The following ADPRHL1 variants were observed in gnomAD, a reference collection of about 807,000 sequenced individuals.
ADPRHL1 encodes ADP-ribosylhydrolase like 1, also known as inactive ADP-ribosyltransferase ARH2.
ADPRHL1 carries 43 observed loss-of-function variants against 44.1 expected under a neutral mutation model. The observed-to-expected ratio is 0.98, with a 90% confidence interval of 0.76 to 1.26. ADPRHL1 has a LOEUF of 1.26. ADPRHL1 is among the 50% of genes most tolerant of loss of function. ADPRHL1 has a pLI of 0.00. For missense variants in ADPRHL1, 2,022 were observed against 2,496.9 expected (o/e 0.81, Z 4.05); for synonymous variants, 878 against 1,017.4 (o/e 0.86, Z 2.61).
chr13:113,446,646 C>T (rs767079950), intron 1 of ADPRHL1, among the ~76,000 whole-genome samples: 2 of 152,096 alleles, frequency 1.3e-5, no homozygotes, highest in Non-Finnish European at 2.9e-5. Flanking sequence ...TGTCTACATG[C>T]GCAGTGTTGT....
chr13:113,405,967 T>C lies in ADPRHL1; in HGVS notation c.3315A>G (p.Lys1105=). 8.1e-7 allele frequency: 1 copy of C among 1,231,956 alleles called. No homozygotes were observed. Among genetic ancestry groups the C allele is most frequent in the Non-Finnish European group, 1.0e-6 (1 of 988,010 alleles). 76.3% of individuals were successfully genotyped at this position (1,231,956 alleles called of 1,614,324 possible). The change falls in exon 8 of 8, where the codon AAA becomes AAG. Residue 1105 remains lysine, a synonymous_variant. Transcript: ENST00000612156. The part of the protein sequence containing the change: ...NPLSSLNEPP[K]PGMKACGAMA... ...TCGCCCCACAGGCTTTCATACCTGGTTTGGGTGGTTCATTTAATGAGGACA... is the reference window on the plus strand; with the variant it reads ...TCGCCCCACAGGCTTTCATACCTGGCTTGGGTGGTTCATTTAATGAGGACA...
intron 2 of ADPRHL1, among the ~76,000 whole-genome samples, chr13:113,435,289 A>G (rs368153647): frequency 1.1e-5 from 1 of 89,258 alleles, no homozygotes; most frequent in Non-Finnish European, 2.2e-5. Context: ...TAGAGTGAAC[A>G]TAGGTGTACC....
chr13:113,439,956 T>A (rs1159289128), intron 2 of ADPRHL1, among the ~76,000 whole-genome samples: 1 of 152,248 alleles, frequency 6.6e-6, no homozygotes, highest in African/African-American at 2.4e-5. Flanking sequence ...TAGTGATGAT[T>A]TGTCTTTCTC....
intron 4 of ADPRHL1, among the ~76,000 whole-genome samples, chr13:113,428,226 G>C (rs540052983): frequency 7.9e-6 from 1 of 126,150 alleles, no homozygotes; most frequent in Non-Finnish European, 1.6e-5. Context: ...CCTGGGTGAC[G>C]AGCCAGATTC....
chr13:113,431,955 G>A (rs923801078), intron 3 of ADPRHL1, among the ~76,000 whole-genome samples: 2 of 152,214 alleles, frequency 1.3e-5, no homozygotes, highest in African/African-American at 4.8e-5. Flanking sequence ...GACCTCAGGT[G>A]ATCCGCCTGC....
chr13:113,434,123 G>C (rs149911125), intron 2 of ADPRHL1, among the ~76,000 whole-genome samples: 3 of 152,314 alleles, frequency 2.0e-5, no homozygotes, highest in East Asian at 1.9e-4. Flanking sequence ...AGATATGCTC[G>C]TGATTTGCAG....
chr13:113,445,172 G>T (rs906367529), intron 1 of ADPRHL1, among the ~76,000 whole-genome samples: 3 of 152,234 alleles, frequency 2.0e-5, no homozygotes, highest in African/African-American at 7.2e-5. Flanking sequence ...GAGGGTGAAG[G>T]AGCTGGACAC....
intron 3 of ADPRHL1, among the ~76,000 whole-genome samples, chr13:113,430,383 G>A (rs749748046): frequency 1.1e-4 from 16 of 152,206 alleles, no homozygotes; most frequent in African/African-American, 1.4e-4. Flanking sequence ...GCCATCGTGG[G>A]GACTGCAGCC....
At chr13:113,427,169 G>A (rs1257145699) in intron 4 of ADPRHL1, among the ~76,000 whole-genome samples, 3 of 152,252 alleles carry the variant, frequency 2.0e-5, no homozygotes, top group Non-Finnish European at 4.4e-5. Context: ...ACACAAAGGG[G>A]AGGAGGTTTT....
In ADPRHL1 at chr13:113,408,055, C is replaced by G. The variant is rs1218259851; in HGVS notation, c.1227G>C (p.Gly409=). ...RADRPPGTEA[G]GSRPSHQPQT... Reference sequence around the variant, plus strand: ...GGGGCTGGTGGCTGGGCCTGCTCCCCCCGGCCTCTGTCCCCGGGGGCCGGT... The same window carrying G: ...GGGGCTGGTGGCTGGGCCTGCTCCCGCCGGCCTCTGTCCCCGGGGGCCGGT... Residue 409 remains glycine (G), a synonymous_variant, in exon 8 of 8, where the codon GGG becomes GGC. Coordinates refer to ENST00000612156, the MANE Select transcript of ADPRHL1 (RefSeq NM_001394807.1). The G allele has an allele frequency of 2.4e-6, 3 of 1,232,098 alleles. No homozygotes were observed. The highest frequency in any genetic ancestry group is 4.2e-5 in the Admixed American group (1 of 23,704). 76.3% of individuals were successfully genotyped at this position (1,232,098 alleles called of 1,614,324 possible).
intron 6 of ADPRHL1, among the ~76,000 whole-genome samples, 183 bp from the exon 7 acceptor site, chr13:113,423,162 TG>T (rs1272153406): frequency 6.6e-6 from 1 of 151,796 alleles, no homozygotes; most frequent in Non-Finnish European, 1.5e-5. Context: ...GCGGCTGAGA[TG>T]GGAGAATCTC....
intron 2 of ADPRHL1, among the ~76,000 whole-genome samples, chr13:113,436,281 C>G (rs2044055029): frequency 1.4e-5 from 2 of 147,970 alleles, no homozygotes; most frequent in African/African-American, 5.0e-5. Flanking sequence ...ACCCGGCACC[C>G]ACGCATAGAG....
intron 2 of ADPRHL1, among the ~76,000 whole-genome samples, chr13:113,436,984 G>A (rs1334697939): frequency 6.8e-6 from 1 of 147,222 alleles, no homozygotes; most frequent in Non-Finnish European, 1.5e-5. Flanking sequence ...TATACCCCGG[G>A]ACCCAGCACC....
At chr13:113,413,169 A>G (rs9549409) in intron 7 of ADPRHL1, among the ~76,000 whole-genome samples, 8,814 of 108,468 alleles carry the variant, frequency 0.081, 1,221 homozygotes, top group Middle Eastern at 0.16. Flanking sequence ...GCCTCGCAGA[A>G]CTCGGTTCAC....
intron 2 of ADPRHL1, 69 bp from the exon 3 acceptor site, chr13:113,433,936 C>G (rs2044026903): frequency 1.0e-5 from 15 of 1,454,836 alleles, no homozygotes; most frequent in Non-Finnish European, 1.4e-5. Flanking sequence ...ATCTAGCTTT[C>G]ATGAATAATT....
In ADPRHL1 at chr13:113,403,167, T is replaced by C. The variant is rs972961357; in HGVS notation, c.*211A>G. The C allele has an allele frequency of 1.3e-5, 5 of 391,242 alleles. No homozygotes were observed. Among genetic ancestry groups the C allele is most frequent in the Non-Finnish European group, 2.2e-5 (5 of 227,416 alleles). 24.2% of individuals were successfully genotyped at this position (391,242 alleles called of 1,614,324 possible). A position where few individuals can be genotyped will look rare whatever the true frequency, so the allele number is the denominator to read the frequency against. ...CACAGGCCCGCACCTCCCACCCCCA[T>C]GGCCTCGTGGCTCTGTGGGGTGACA... On this transcript the variant is annotated 3_prime_UTR_variant, in exon 8 of 8. Coordinates refer to ENST00000612156, the MANE Select transcript of ADPRHL1 (RefSeq NM_001394807.1).
chr13:113,407,407 G>C lies in ADPRHL1; in HGVS notation c.1875C>G (p.Thr625=). 1 of 1,231,916 alleles carries C rather than the reference G, an allele frequency of 8.1e-7. No homozygotes were observed. Among genetic ancestry groups the C allele is most frequent in the Non-Finnish European group, 1.0e-6 (1 of 987,942 alleles). The allele number at this position is 1,231,916 out of a possible 1,614,324, so 76.3% of individuals were successfully genotyped here. A position where few individuals can be genotyped will look rare whatever the true frequency, so the allele number is the denominator to read the frequency against. The change falls in exon 8 of 8, where the codon ACC becomes ACG. Residue 625 remains threonine (T), a synonymous_variant. Transcript: ENST00000612156. ...GCCAGCTCCTGGGGCCACAGACGACGGTGGCGATGCTGAGGGCCGGCAGGG... is the reference window on the plus strand; with the variant it reads ...GCCAGCTCCTGGGGCCACAGACGACCGTGGCGATGCTGAGGGCCGGCAGGG... ...AEPLPALSIA[T]VVCGPRSWLS... is the part of the protein sequence containing the mutation.
chr13:113,443,691 T>A (rs1595555289), intron 2 of ADPRHL1, among the ~76,000 whole-genome samples: 1 of 151,324 alleles, frequency 6.6e-6, no homozygotes, highest in East Asian at 2.0e-4. Context: ...ACGCCTGTAA[T>A]CCCACCACTT....
At chr13:113,444,199 G>A (rs996061907) in intron 2 of ADPRHL1, among the ~76,000 whole-genome samples, 16 of 151,700 alleles carry the variant, frequency 1.1e-4, no homozygotes, top group Admixed American at 2.6e-4. Flanking sequence ...ACAGATGCCC[G>A]CGCTTGCCGG....
Sources: allele counts gnomAD v4.1 joint callset (sites outside exome capture counted in the v4.1 genomes callset), GRCh38; gene constraint gnomAD v4.1.1; transcripts MANE v1.5; gene names NCBI Gene and HGNC (gene_info 2026-07-23, HGNC 2026-07-21).